The following HDAC9 variants were observed in gnomAD, a reference collection of about 807,000 sequenced individuals.
HDAC9 encodes MEF-2 interacting transcription repressor (MITR) protein.
In HDAC9, 41 loss-of-function variants were observed where a neutral mutation model predicts 139.4. The observed-to-expected ratio is 0.29, with a 90% CI of 0.23 to 0.38. HDAC9 has a LOEUF of 0.38. Ranked by LOEUF, HDAC9 falls within the 10% of genes least tolerant of loss-of-function variation. The probability of loss-of-function intolerance (pLI) is 1.00; values close to 1 mark genes in which losing one functional copy is unlikely to be tolerated. For synonymous variants in HDAC9, 517 were observed against 476.2 expected (o/e 1.09, Z -1.12); for missense variants, 1,147 against 1,297.0 (o/e 0.88, Z 1.78).
At chr7:18,458,870 G>A (rs1486824731) in intron 1 of HDAC9, 1 of 1,534,814 alleles carries the variant, frequency 6.5e-7, no homozygotes, top group Non-Finnish European at 8.7e-7. Context: ...TACCATGGGT[G>A]CTATTCTGTG....
At chr7:18,592,139 G>T (rs1017437723) in intron 5 of HDAC9, among the ~76,000 whole-genome samples, 1 of 151,844 alleles carries the variant, frequency 6.6e-6, no homozygotes, top group Non-Finnish European at 1.5e-5. Context: ...CTCAAATGAA[G>T]AAAAAAGGAA....
chr7:18,576,616 C>T (rs537688826), intron 2 of HDAC9, among the ~76,000 whole-genome samples: 1 of 149,208 alleles, frequency 6.7e-6, no homozygotes, highest in African/African-American at 2.5e-5. Flanking sequence ...GAGCCGAGAT[C>T]GCGCCACTGC....
At chr7:18,993,035 A>G (rs1264385532) in intron 25 of HDAC9, among the ~76,000 whole-genome samples, 1 of 148,744 alleles carries the variant, frequency 6.7e-6, no homozygotes, top group Non-Finnish European at 1.5e-5. Flanking sequence ...TTTTCAGAGC[A>G]CTGCTTCTCA....
intron 25 of HDAC9, among the ~76,000 whole-genome samples, chr7:18,990,383 C>G (rs1282577067): frequency 1.3e-5 from 2 of 152,218 alleles, no homozygotes. Context: ...CAGGGACCCA[C>G]TTGAGGAGGC....
intron 1 of HDAC9, among the ~76,000 whole-genome samples, chr7:18,383,718 T>TAAAAAAAAAAAAAAAAAAAAA (rs79484446): frequency 7.1e-6 from 1 of 141,770 alleles, no homozygotes; most frequent in Admixed American, 7.0e-5. Flanking sequence ...CCGTCTCTAC[T>TAAAAAAAAAAAAAAAAAAAAA]AAAAAAAAAA....
rs1416327332 is a variant in HDAC9, at chr7:18,754,146, A to G, written c.2043+5008A>G. Among the ~76,000 whole-genome samples, 3 of 152,030 alleles carry G rather than the reference A, an allele frequency of 2.0e-5. No homozygotes were observed. In the South Asian group the frequency reaches 6.2e-4, roughly 31 times the overall value. On this transcript the variant is annotated intron_variant, in intron 14 of 25. Transcript: ENST00000686413. ...AAGTTGAGGCAGTTAGTAGTCCTTC[A>G]TGCCAATACCACTTAATTTTTTCCC...
intron 1 of HDAC9, among the ~76,000 whole-genome samples, chr7:18,293,398 T>G (rs537491916): frequency 1.7e-4 from 26 of 152,078 alleles, no homozygotes; most frequent in African/African-American, 6.3e-4. Context: ...CTCAGCAAAC[T>G]ATCGCAAGGA....
intron 22 of HDAC9, among the ~76,000 whole-genome samples, chr7:18,902,053 A>G (rs937179839): frequency 1.3e-5 from 2 of 152,190 alleles, no homozygotes; most frequent in Non-Finnish European, 2.9e-5. Flanking sequence ...GCATTGTGCT[A>G]TGCAATAAAG....
At chr7:18,294,272 T>C (rs1798001278) in intron 1 of HDAC9, among the ~76,000 whole-genome samples, 1 of 152,102 alleles carries the variant, frequency 6.6e-6, no homozygotes. Flanking sequence ...GATTAGAGAA[T>C]CATGGTTCAA....
At chr7:18,292,244 A>G (rs890770352) in intron 1 of HDAC9, among the ~76,000 whole-genome samples, 2 of 152,102 alleles carry the variant, frequency 1.3e-5, no homozygotes, top group African/African-American at 2.4e-5. Context: ...TTTTATAGAA[A>G]AGGAAACTAA....
intron 1 of HDAC9, among the ~76,000 whole-genome samples, chr7:18,478,623 A>C (rs1417583535): frequency 6.6e-6 from 1 of 152,246 alleles, no homozygotes; most frequent in Non-Finnish European, 1.5e-5. Flanking sequence ...GCCAAGATTC[A>C]ATTTAGGATT....
intron 2 of HDAC9, among the ~76,000 whole-genome samples, chr7:18,525,434 CTG>C (rs1366232192): frequency 6.6e-6 from 1 of 151,972 alleles, no homozygotes; most frequent in Admixed American, 6.6e-5. Context: ...TTTAAAATTA[CTG>C]TGTGAGTATT....
intron 22 of HDAC9, among the ~76,000 whole-genome samples, chr7:18,878,516 C>A (rs1799490444): frequency 6.6e-6 from 1 of 152,030 alleles, no homozygotes; most frequent in South Asian, 2.1e-4. Flanking sequence ...ACAAGTAAAT[C>A]AATAAATGTG....
chr7:18,975,548 G>A (rs767959672), intron 24 of HDAC9, among the ~76,000 whole-genome samples: 41 of 152,282 alleles, frequency 2.7e-4, no homozygotes, highest in Non-Finnish European at 4.9e-4. Flanking sequence ...GGTGAGTTCA[G>A]TAGGCCATGG....
rs566532592 is a variant in HDAC9 at position 18,745,736 on chromosome 7, C to T, written c.1910-3269C>T. On this transcript the variant is annotated intron_variant, in intron 13 of 25. Coordinates refer to ENST00000686413, the MANE Select transcript of HDAC9 (RefSeq NM_178425.4). The stretch of plus-strand genomic sequence containing the variant: ...TAATTTTTTGTATTTTTAGTAGAGA[C>T]GGGGTTTCACCTTGTTAGCCAGGTT... 1.7e-4 allele frequency among the ~76,000 whole-genome samples: 26 copies of T among 151,178 alleles called. No homozygotes were observed. The East Asian group carries it at 4.3e-3, about 25-fold the overall frequency.
intron 16 of HDAC9, among the ~76,000 whole-genome samples, chr7:18,785,417 A>C (rs1791628756): frequency 6.6e-6 from 1 of 152,040 alleles, no homozygotes; most frequent in South Asian, 2.1e-4. Flanking sequence ...TTACTCAGTC[A>C]TGACAACAAA....
intron 25 of HDAC9, among the ~76,000 whole-genome samples, chr7:18,993,434 C>T (rs1478148643): frequency 6.6e-6 from 1 of 152,158 alleles, no homozygotes; most frequent in Non-Finnish European, 1.5e-5. Context: ...GACTTGAACC[C>T]AGAACATCTA....
chr7:18,139,334 C>A (rs968373983), intron 1 of HDAC9, among the ~76,000 whole-genome samples: 1 of 151,964 alleles, frequency 6.6e-6, no homozygotes, highest in East Asian at 1.9e-4. Flanking sequence ...GTCATGTTGC[C>A]CAGGCTGGTC....
At position 18,732,758 on chromosome 7, in the gene HDAC9, C is replaced by CACGT. The variant is rs1554339310; in HGVS notation, c.1909+5001_1909+5002insACGT. ...GTATGTGTGCGTATGTGTACACACACGTGTATGTGTGCGTATGTGTACACA... is the reference window on the plus strand; with the variant it reads ...GTATGTGTGCGTATGTGTACACACACACGTGTGTATGTGTGCGTATGTGTACACA... On this transcript the variant is annotated intron_variant, in intron 13 of 25. Transcript: ENST00000686413. Among the ~76,000 whole-genome samples, 183 of 61,538 alleles carry CACGT rather than the reference C, an allele frequency of 3.0e-3. 6 individuals carry two copies. Among genetic ancestry groups the CACGT allele is most frequent in the South Asian group, 5.7e-3 (11 of 1,920 alleles). The allele number at this position is 61,538 out of a possible 152,430, so 40.4% of individuals were successfully genotyped here.
Sources: gnomAD v4.1 joint callset for allele counts (sites outside exome capture counted in the v4.1 genomes callset) on GRCh38, gnomAD v4.1.1 for gene constraint, MANE v1.5 for transcripts, NCBI Gene and HGNC (gene_info 2026-07-23, HGNC 2026-07-21) for gene names.